Variants in CUX2 observed in about 807,000 individuals in gnomAD.
CUX2 encodes the protein cut like homeobox 2, also known as homeobox protein cut-like 2.
CUX2 carries 40 observed loss-of-function variants against 144.8 expected under a neutral mutation model. The observed-to-expected ratio is 0.28, with a 90% CI of 0.21 to 0.36. The LOEUF is 0.36. Ranked by LOEUF, CUX2 falls within the 10% of genes least tolerant of loss-of-function variation. The pLI, the probability that CUX2 is intolerant of heterozygous loss-of-function variation, is 1.00. For missense variants in CUX2, 1,615 were observed against 1,994.0 expected, an observed-to-expected ratio of 0.81 and a Z score of 3.62; for synonymous variants, 827 against 875.6, an observed-to-expected ratio of 0.94 and a Z score of 0.98.
chr12:111,237,830 C>T (rs1328403206), intron 3 of CUX2, among the ~76,000 whole-genome samples: 4 of 152,234 alleles, frequency 2.6e-5, no homozygotes, highest in South Asian at 2.1e-4. Context: ...CTTCCCTCTG[C>T]TCTTCCCCTG....
chr12:111,211,006 C>T (rs991449272), intron 1 of CUX2, among the ~76,000 whole-genome samples: 1 of 152,162 alleles, frequency 6.6e-6, no homozygotes, highest in African/African-American at 2.4e-5. Context: ...TATTTCCAAG[C>T]CCCTGTTTGA....
At chr12:111,220,722 TATA>T (rs565161099) in intron 3 of CUX2, among the ~76,000 whole-genome samples, 15 of 94,726 alleles carry the variant, frequency 1.6e-4, no homozygotes, top group African/African-American at 5.9e-4. Context: ...GCCTGGGCAA[TATA>T]ATGAGACCTC....
At chr12:111,176,829 C>T (rs2136174802) in intron 1 of CUX2, among the ~76,000 whole-genome samples, 1 of 152,316 alleles carries the variant, frequency 6.6e-6, no homozygotes, top group Middle Eastern at 3.4e-3. Flanking sequence ...CCAATTCCTC[C>T]AGTCTGTTCA....
rs776511979 is a variant in CUX2 at position 111,347,657 on chromosome 12, A to G, written c.3793A>G (p.Thr1265Ala). The part of the protein sequence containing the change: ...DPTPQSPDSE[T>A]EDQKPTVKEL... ...CACCCCGCAGAGCCCTGACTCTGAG[A>G]CTGAGGACCAGAAGCCAACCGTGAA... The change falls in exon 22 of 22, where the codon ACT becomes GCT. Residue 1265 changes from threonine (T) to alanine (A), a missense_variant. Physicochemically the swap from Thr to Ala is moderately conservative, Grantham distance 58 (BLOSUM62 0). This residue lies in a region of CUX2 where 298 missense variants were observed against 330.4 expected (regional missense o/e 0.90). Transcript: ENST00000261726. 1 of 1,443,718 alleles carries G rather than the reference A, an allele frequency of 6.9e-7. No homozygotes were observed. Among genetic ancestry groups the G allele is most frequent in the Non-Finnish European group, 9.3e-7 (1 of 1,069,722 alleles). 89.4% of individuals were successfully genotyped at this position (1,443,718 alleles called of 1,614,324 possible). A position where few individuals can be genotyped will look rare whatever the true frequency, so the allele number is the denominator to read the frequency against.
intron 1 of CUX2, among the ~76,000 whole-genome samples, chr12:111,139,234 G>GT (rs1336261286): frequency 6.6e-6 from 1 of 152,082 alleles, no homozygotes. Context: ...AAACCAGAAG[G>GT]TTTCATGTAA....
chr12:111,320,848 C>G lies in CUX2; in HGVS notation c.2766+73C>G. On this transcript the variant is annotated intron_variant, in intron 17 of 21. Coordinates refer to ENST00000261726, the MANE Select transcript of CUX2 (RefSeq NM_015267.4). The surrounding 1 kb of genome is among the most constrained non-coding windows in gnomAD (Gnocchi z 8.1). ...CGGAGAAGTAGGATGCCCACCCAAG[C>G]AGGCTGGCGGGACCCCAGGGGCCCA... The G allele has an allele frequency of 7.2e-7, 1 of 1,389,696 alleles. No individual in the cohort carries two copies. Among genetic ancestry groups the G allele is most frequent in the South Asian group, 1.6e-5 (1 of 62,494 alleles). 86.1% of individuals were successfully genotyped at this position (1,389,696 alleles called of 1,614,324 possible).
chr12:111,265,843 G>A (rs1353189748), intron 4 of CUX2, among the ~76,000 whole-genome samples: 1 of 152,056 alleles, frequency 6.6e-6, no homozygotes, highest in Admixed American at 6.6e-5. Flanking sequence ...TCAGCACTAC[G>A]GGAGGTGTTT....
chr12:111,320,105 A>T lies in CUX2; in HGVS notation c.2096A>T (p.Gln699Leu). The T allele has an allele frequency of 1.3e-6, 2 of 1,558,314 alleles. No individual in the cohort carries two copies. Among genetic ancestry groups the T allele is most frequent in the South Asian group, 2.3e-5 (2 of 85,226 alleles). Residue 699 changes from glutamine to leucine, a missense_variant, in exon 17 of 22, where the codon CAG becomes CTG. Coordinates refer to ENST00000261726, the MANE Select transcript of CUX2 (RefSeq NM_015267.4). This position sits in a 1 kb window ranked among gnomAD's most constrained non-coding sequence, Gnocchi z 8.1. ...SEDAIKSILE[Q>L]ARREMQAQQQ... ...GACGCCATCAAGAGCATCCTGGAGCAGGCACGCCGTGAGATGCAGGCGCAA... is the reference window on the plus strand; with the variant it reads ...GACGCCATCAAGAGCATCCTGGAGCTGGCACGCCGTGAGATGCAGGCGCAA...
At chr12:111,317,304 A>G (rs1317047345) in intron 16 of CUX2, among the ~76,000 whole-genome samples, 5 of 152,184 alleles carry the variant, frequency 3.3e-5, no homozygotes, top group Admixed American at 2.6e-4. Flanking sequence ...GTCATTCCTC[A>G]GGGCACAGAT....
chr12:111,344,143 T>C (rs961425873), intron 21 of CUX2, among the ~76,000 whole-genome samples: 2 of 152,244 alleles, frequency 1.3e-5, no homozygotes, highest in Non-Finnish European at 2.9e-5. Context: ...CCTTAAAGCC[T>C]GCTCATTTCC....
chr12:111,311,644 G>C (rs2136377278), intron 15 of CUX2, among the ~76,000 whole-genome samples: 1 of 147,064 alleles, frequency 6.8e-6, no homozygotes, highest in South Asian at 2.2e-4. Flanking sequence ...TGTTACTCAG[G>C]CTGGAGTGCA....
At position 111,348,207 on chromosome 12, in the gene CUX2, G is replaced by A; in HGVS notation, c.4343G>A (p.Ser1448Asn). 1.2e-6 allele frequency: 2 copies of A among 1,614,018 alleles called. No homozygotes were observed. The highest frequency in any genetic ancestry group is 1.7e-6 in the Non-Finnish European group (2 of 1,180,028). ...GACATGGCTGGAGCCTTGCACCCCA[G>A]TGCCAAGGTGAACCCCAACTTGCAG... ...TADMAGALHP[S>N]AKVNPNLQRR... Residue 1448 changes from serine to asparagine, a missense_variant, in exon 22 of 22, where the codon AGT becomes AAT. Physicochemically the swap from Ser to Asn is conservative, Grantham distance 46. Coordinates refer to ENST00000261726, the MANE Select transcript of CUX2 (RefSeq NM_015267.4).
At chr12:111,217,173 T>TA (rs1411013627) in intron 2 of CUX2, among the ~76,000 whole-genome samples, 1 of 152,118 alleles carries the variant, frequency 6.6e-6, no homozygotes, top group African/African-American at 2.4e-5. Context: ...GCCAGGAAAT[T>TA]AGAGTCTGGA....
chr12:111,293,319 G>T lies in CUX2; in HGVS notation c.437-127G>T, dbSNP rs1479938314. ...GCGGCCCGCAGGGCCCCACAGCTGCGCTCTCTCCAAGGCCCAAGTTTGGGA... is the reference window on the plus strand; with the variant it reads ...GCGGCCCGCAGGGCCCCACAGCTGCTCTCTCTCCAAGGCCCAAGTTTGGGA... On this transcript the variant is annotated intron_variant, in intron 5 of 21. Coordinates refer to ENST00000261726, the MANE Select transcript of CUX2 (RefSeq NM_015267.4). This position sits in a 1 kb window ranked among gnomAD's most constrained non-coding sequence, Gnocchi z 4.5. 5.0e-6 allele frequency: 7 copies of T among 1,392,608 alleles called. No individual in the cohort carries two copies. The highest frequency in any genetic ancestry group is 1.5e-5 in the African/African-American group (1 of 68,612). 86.3% of individuals were successfully genotyped at this position (1,392,608 alleles called of 1,614,324 possible).
At chr12:111,257,092 G>T (rs145071885) in intron 3 of CUX2, among the ~76,000 whole-genome samples, 1 of 152,216 alleles carries the variant, frequency 6.6e-6, no homozygotes, top group Non-Finnish European at 1.5e-5. Flanking sequence ...GTCACCCCTC[G>T]TATCACAGTG....
Position 111,304,355 on chromosome 12 carries a change from G to A in CUX2, c.858+41G>A, listed in dbSNP as rs1886469091. The A allele has an allele frequency of 5.3e-6, 8 of 1,518,318 alleles. No homozygotes were observed. The highest frequency in any genetic ancestry group is 5.4e-6 in the Non-Finnish European group (6 of 1,101,318). The allele number at this position is 1,518,318 out of a possible 1,614,324, so 94.1% of individuals were successfully genotyped here. On this transcript the variant is annotated intron_variant, in intron 10 of 21. Transcript: ENST00000261726. This position sits in a 1 kb window ranked among gnomAD's most constrained non-coding sequence, Gnocchi z 4.7. The stretch of plus-strand genomic sequence containing the variant: ...GGGAAGTGAGCAGGGAGGGCAGAGG[G>A]AAAGATCGGGAATGGCTGAGTTTGC...
chr12:111,291,575 G>T (rs1163402555), intron 5 of CUX2, 23 bp downstream of exon 5: 1 of 1,576,542 alleles, frequency 6.3e-7, no homozygotes. Flanking sequence ...CCTTCTCGGA[G>T]CGTCTACAAT....
rs1052401482 is a variant in CUX2, at chr12:111,295,448, G to A, written c.637+39G>A. The A allele has an allele frequency of 1.6e-5, 25 of 1,580,430 alleles. No homozygotes were observed. The Admixed American group carries it at 3.2e-4, about 20-fold the overall frequency. On this transcript the variant is annotated intron_variant, in intron 7 of 21. Transcript: ENST00000261726. The surrounding 1 kb of genome is among the most constrained non-coding windows in gnomAD (Gnocchi z 5.0). ...CCATGTGGCCTAGAGGGAGGACTGG[G>A]AGGGGACGGTAATGCTGTCAACGAG...
At chr12:111,113,953 G>T (rs960648682) in intron 1 of CUX2, among the ~76,000 whole-genome samples, 1 of 152,182 alleles carries the variant, frequency 6.6e-6, no homozygotes, top group Non-Finnish European at 1.5e-5. Context: ...GTGTTCCATT[G>T]TGTGGTCATA....
Sources: gnomAD v4.1 joint callset for allele counts (sites outside exome capture counted in the v4.1 genomes callset) on GRCh38, gnomAD v4.1.1 for gene constraint, gnomAD v4.1.1 regional missense constraint, Gnocchi (gnomAD v3.1) non-coding constraint, MANE v1.5 for transcripts, NCBI Gene and HGNC (gene_info 2026-07-23, HGNC 2026-07-21) for gene names.